The following SPTLC3 variants were observed in gnomAD, a reference collection of about 807,000 sequenced individuals.
SPTLC3 encodes the protein serine palmitoyltransferase long chain base subunit 3.
In SPTLC3, 36 loss-of-function variants were observed where a neutral mutation model predicts 59.3. That is an observed-to-expected ratio of 0.61 (90% CI 0.47 to 0.80). The LOEUF is 0.80. Ranked by LOEUF, SPTLC3 falls within the 30% of genes least tolerant of loss-of-function variation. SPTLC3 has a pLI of 0.00. For synonymous variants in SPTLC3, 257 were observed against 240.8 expected (o/e 1.07, Z -0.62); for missense variants, 625 against 685.1 (o/e 0.91, Z 0.98).
At chr20:13,090,155 G>A (rs1261279932) in intron 4 of SPTLC3, among the ~76,000 whole-genome samples, 1 of 152,176 alleles carries the variant, frequency 6.6e-6, no homozygotes, top group African/African-American at 2.4e-5. Context: ...CAAAGCATAA[G>A]GGGATTATGT....
At chr20:13,011,340 A>G (rs1600198899) in intron 1 of SPTLC3, among the ~76,000 whole-genome samples, 1 of 152,250 alleles carries the variant, frequency 6.6e-6, no homozygotes, top group East Asian at 1.9e-4. Context: ...ACAGAATCCT[A>G]GGCTGCTGGT....
At chr20:13,030,209 C>G (rs1015716571) in intron 1 of SPTLC3, among the ~76,000 whole-genome samples, 2 of 152,166 alleles carry the variant, frequency 1.3e-5, no homozygotes, top group African/African-American at 4.8e-5. Context: ...CAGGGCACAC[C>G]ACACTGTGAT....
chr20:13,099,193 G>C (rs1989522671), intron 6 of SPTLC3, among the ~76,000 whole-genome samples: 1 of 152,128 alleles, frequency 6.6e-6, no homozygotes, highest in Non-Finnish European at 1.5e-5. Context: ...AAAGAGTGAG[G>C]ATCAGGGCAA....
intron 2 of SPTLC3, among the ~76,000 whole-genome samples, chr20:13,066,715 C>T (rs991937850): frequency 6.6e-6 from 1 of 151,792 alleles, no homozygotes; most frequent in Non-Finnish European, 1.5e-5. Context: ...TCAAATCTTT[C>T]CTCATCTCTA....
chr20:13,041,291 T>G (rs1395813730), intron 1 of SPTLC3, among the ~76,000 whole-genome samples: 1 of 152,122 alleles, frequency 6.6e-6, no homozygotes, highest in Admixed American at 6.5e-5. Flanking sequence ...CCTCTGGTTT[T>G]TTTGTTTGTT....
chr20:13,072,538 T>C, intron 3 of SPTLC3, 128 bp downstream of exon 3: 2 of 1,017,580 alleles, frequency 2.0e-6, no homozygotes, highest in Non-Finnish European at 2.8e-6. Context: ...ATTTATGCCT[T>C]TGCAAGCCCT....
chr20:13,144,869 G>A (rs961627795), intron 9 of SPTLC3, among the ~76,000 whole-genome samples: 1 of 152,104 alleles, frequency 6.6e-6, no homozygotes, highest in African/African-American at 2.4e-5. Flanking sequence ...CCGCCTCCCA[G>A]GTTCACACCA....
rs373298004 is a variant in SPTLC3 at position 13,154,094 on chromosome 20, T to C, written c.1371T>C (p.Asn457=). 5.0e-6 allele frequency: 8 copies of C among 1,614,060 alleles called. No individual in the cohort carries two copies. Among genetic ancestry groups the C allele is most frequent in the East Asian group, 2.2e-5 (1 of 44,884 alleles). Residue 457 remains asparagine, a synonymous_variant, in exon 10 of 12, where the codon AAT becomes AAC. Transcript: ENST00000399002. ...EMGFIIYGNE[N]ASVVPLLLYM... ...GATTCATTATCTATGGCAATGAGAA[T>C]GCTTCTGTTGTTCCTCTGCTTCTTT...
chr20:13,027,364 G>A (rs1012819604), intron 1 of SPTLC3, among the ~76,000 whole-genome samples: 17 of 152,136 alleles, frequency 1.1e-4, no homozygotes, highest in African/African-American at 3.9e-4. Flanking sequence ...CTGTGAAGCA[G>A]ATAAACAAAT....
chr20:13,087,726 T>C (rs1488416185), intron 4 of SPTLC3, among the ~76,000 whole-genome samples: 1 of 152,226 alleles, frequency 6.6e-6, no homozygotes, highest in Non-Finnish European at 1.5e-5. Context: ...ATGGAAGTCA[T>C]GGCATCTCAC....
rs76035822 is a variant in SPTLC3, at chr20:13,098,909, G to A, written c.826+5332G>A. On this transcript the variant is annotated intron_variant, in intron 6 of 11. Coordinates refer to ENST00000399002, the MANE Select transcript of SPTLC3 (RefSeq NM_018327.4). ...TGCCCTTCCCAACTAATTGAGAATT[G>A]GGTGCAGCTAGGGTCAGAGTCTGTC... Among the ~76,000 whole-genome samples, 3 of 152,266 alleles carry A rather than the reference G, an allele frequency of 2.0e-5. No homozygotes were observed. The East Asian group carries it at 5.8e-4, about 29-fold the overall frequency.
chr20:13,162,788 C>T (rs2038919335), intron 11 of SPTLC3, among the ~76,000 whole-genome samples: 1 of 152,116 alleles, frequency 6.6e-6, no homozygotes, highest in Non-Finnish European at 1.5e-5. Flanking sequence ...AGCATCCAAC[C>T]CAGAACTGGT....
chr20:13,017,655 T>C (rs926412375), intron 1 of SPTLC3, among the ~76,000 whole-genome samples: 1 of 152,138 alleles, frequency 6.6e-6, no homozygotes, highest in Non-Finnish European at 1.5e-5. Context: ...CTATCATTAG[T>C]GTTAGTGTAT....
chr20:13,093,716 C>A (rs1156327262), intron 6 of SPTLC3, 139 bp downstream of exon 6: 2 of 702,964 alleles, frequency 2.8e-6, no homozygotes, highest in East Asian at 2.8e-5. Flanking sequence ...TCACTCCTGG[C>A]TTGTTAACCT....
At chr20:13,015,523 C>G (rs577066379) in intron 1 of SPTLC3, among the ~76,000 whole-genome samples, 1 of 152,110 alleles carries the variant, frequency 6.6e-6, no homozygotes, top group Non-Finnish European at 1.5e-5. Flanking sequence ...GAAAGGCATA[C>G]AACACATGTA....
rs563337130 is a variant in SPTLC3 at position 13,138,526 on chromosome 20, T to C, written c.1279+11809T>C. On this transcript the variant is annotated intron_variant, in intron 9 of 11. Coordinates refer to ENST00000399002, the MANE Select transcript of SPTLC3 (RefSeq NM_018327.4). Reference sequence around the variant, plus strand: ...AAATAGGTAGTGATTAGTTATTTAATTGCACCTTAAGCATCAAATACGTGA... The same window carrying C: ...AAATAGGTAGTGATTAGTTATTTAACTGCACCTTAAGCATCAAATACGTGA... Among the ~76,000 whole-genome samples, 197 of 152,282 alleles carry C rather than the reference T, an allele frequency of 1.3e-3. 2 individuals carry two copies. The highest frequency in any genetic ancestry group is 4.2e-3 in the African/African-American group (174 of 41,554).
chr20:13,084,908 A>T (rs1184664181), intron 4 of SPTLC3, among the ~76,000 whole-genome samples: 3 of 152,214 alleles, frequency 2.0e-5, no homozygotes, highest in Admixed American at 2.0e-4. Flanking sequence ...AGAAGTTATT[A>T]TTCTGTCTAC....
At chr20:13,018,426 GC>G (rs1329738357) in intron 1 of SPTLC3, among the ~76,000 whole-genome samples, 1 of 152,130 alleles carries the variant, frequency 6.6e-6, no homozygotes, top group Non-Finnish European at 1.5e-5. Flanking sequence ...GTATGCTTAA[GC>G]CCTTAACCAG....
intron 2 of SPTLC3, among the ~76,000 whole-genome samples, chr20:13,053,536 G>GA (rs1987590745): frequency 1.3e-5 from 2 of 152,230 alleles, no homozygotes; most frequent in African/African-American, 4.8e-5. Flanking sequence ...GACGGAGAAT[G>GA]AGTTTGACGA....
Sources: allele counts gnomAD v4.1 joint callset (sites outside exome capture counted in the v4.1 genomes callset), GRCh38; gene constraint gnomAD v4.1.1; transcripts MANE v1.5; gene names NCBI Gene and HGNC (gene_info 2026-07-23, HGNC 2026-07-21).